Variants in ZNF704 observed in about 807,000 individuals in gnomAD.
The protein encoded by ZNF704 is glucocorticoid induced gene 1.
ZNF704 carries 10 observed loss-of-function variants against 44.7 expected under a neutral mutation model. That is an observed-to-expected ratio of 0.22 (90% CI 0.14 to 0.38). The LOEUF (loss-of-function observed/expected upper bound fraction) is 0.38. ZNF704 is among the 10% of genes least tolerant of loss of function. ZNF704 has a pLI of 1.00. For missense variants in ZNF704, 390 were observed against 545.5 expected, an observed-to-expected ratio of 0.71 and a Z score of 2.84; for synonymous variants, 211 against 207.6, an observed-to-expected ratio of 1.02 and a Z score of -0.14.
At chr8:80,841,858 T>C (rs151161694) in intron 1 of ZNF704, among the ~76,000 whole-genome samples, 34 of 152,314 alleles carry the variant, frequency 2.2e-4, no homozygotes, top group African/African-American at 7.2e-4. Context: ...GGCATGATCA[T>C]AGCTCACGGC....
chr8:80,665,615 C>T (rs971388894), intron 5 of ZNF704, among the ~76,000 whole-genome samples: 2 of 152,136 alleles, frequency 1.3e-5, no homozygotes, highest in African/African-American at 2.4e-5. Flanking sequence ...AAAGCCCAGG[C>T]TTTATCACTG....
intron 7 of ZNF704, among the ~76,000 whole-genome samples, chr8:80,656,786 G>T (rs1400911383): frequency 6.6e-6 from 1 of 152,160 alleles, no homozygotes; most frequent in Admixed American, 6.5e-5. Flanking sequence ...AGATGTGGGA[G>T]AAAAGTGAAC....
chr8:80,646,668 T>A (rs1375840076), intron 7 of ZNF704, among the ~76,000 whole-genome samples: 2 of 152,144 alleles, frequency 1.3e-5, no homozygotes, highest in Non-Finnish European at 2.9e-5. Flanking sequence ...TGTGTATAGA[T>A]ACGCAGCTTC....
chr8:80,674,120 T>C (rs1310489167), intron 4 of ZNF704, among the ~76,000 whole-genome samples: 1 of 152,192 alleles, frequency 6.6e-6, no homozygotes, highest in Non-Finnish European at 1.5e-5. Flanking sequence ...TACATGATCC[T>C]TATGAGCCTG....
intron 1 of ZNF704, among the ~76,000 whole-genome samples, chr8:80,831,649 G>C (rs1808474594): frequency 6.6e-6 from 1 of 151,934 alleles, no homozygotes; most frequent in Non-Finnish European, 1.5e-5. Flanking sequence ...AGCTGGTAAG[G>C]GCAAGAGAAA....
chr8:80,749,337 T>G (rs1806902260), intron 2 of ZNF704, among the ~76,000 whole-genome samples: 2 of 152,176 alleles, frequency 1.3e-5, no homozygotes, highest in African/African-American at 4.8e-5. Flanking sequence ...TAGTGATTTT[T>G]ACTGTATCTT....
At chr8:80,731,114 T>C (rs904059293) in intron 2 of ZNF704, among the ~76,000 whole-genome samples, 1 of 152,200 alleles carries the variant, frequency 6.6e-6, no homozygotes, top group Non-Finnish European at 1.5e-5. Context: ...TGGCCATCTG[T>C]CCCTACCTGC....
chr8:80,742,218 C>T (rs1806772162), intron 2 of ZNF704, among the ~76,000 whole-genome samples: 2 of 152,156 alleles, frequency 1.3e-5, no homozygotes, highest in African/African-American at 2.4e-5. Flanking sequence ...GCGGGACCCT[C>T]CATTAGAAAT....
intron 2 of ZNF704, among the ~76,000 whole-genome samples, chr8:80,746,856 C>T (rs1393947850): frequency 1.3e-5 from 2 of 152,108 alleles, no homozygotes; most frequent in African/African-American, 4.8e-5. Context: ...AAAAGGTCCT[C>T]ACAATTCACA....
At chr8:80,650,251 C>A (rs143522311) in intron 7 of ZNF704, among the ~76,000 whole-genome samples, 1 of 152,130 alleles carries the variant, frequency 6.6e-6, no homozygotes, top group Non-Finnish European at 1.5e-5. Flanking sequence ...AAAATCAGAG[C>A]GCCTCTCCTC....
At chr8:80,751,082 G>A (rs2131705911) in intron 2 of ZNF704, among the ~76,000 whole-genome samples, 1 of 152,280 alleles carries the variant, frequency 6.6e-6, no homozygotes, top group Middle Eastern at 3.4e-3. Flanking sequence ...CAATGTTAAT[G>A]AGAAAACTTT....
In ZNF704 at chr8:80,638,613, A is replaced by C. The variant is rs1330152992; in HGVS notation, c.*2753T>G. 6.6e-6 allele frequency: 1 copy of C among 152,338 alleles called. No individual in the cohort carries two copies. Among genetic ancestry groups the C allele is most frequent in the Non-Finnish European group, 1.5e-5 (1 of 67,982 alleles). The allele number at this position is 152,338 out of a possible 1,614,324, so 9.4% of individuals were successfully genotyped here. On this transcript the variant is annotated 3_prime_UTR_variant, in exon 9 of 9. Coordinates refer to ENST00000327835, the MANE Select transcript of ZNF704 (RefSeq NM_001033723.3). The stretch of plus-strand genomic sequence containing the variant: ...TTAAAAAAAAAAAACCCTAACTTGC[A>C]CGATCAGTGGTGTATATTGGAATTC...
intron 1 of ZNF704, among the ~76,000 whole-genome samples, chr8:80,836,045 A>G (rs77646675): frequency 0.034 from 5,210 of 152,158 alleles, 292 homozygotes; most frequent in African/African-American, 0.12. Context: ...CATGAACCCC[A>G]GTTCCTCCTA....
At chr8:80,818,973 CTCA>C (rs1808220103) in intron 2 of ZNF704, among the ~76,000 whole-genome samples, 1 of 151,992 alleles carries the variant, frequency 6.6e-6, no homozygotes, top group Non-Finnish European at 1.5e-5. Flanking sequence ...GCTTGATTCC[CTCA>C]TCATCATTTT....
Position 80,659,680 on chromosome 8 carries a change from G to T in ZNF704, c.937C>A (p.Pro313Thr). 1 of 1,613,602 alleles carries T rather than the reference G, an allele frequency of 6.2e-7. No individual in the cohort carries two copies. The change falls in exon 7 of 9, where the codon CCT becomes ACT. Residue 313 changes from proline to threonine, a missense_variant. Physicochemically the swap from Pro to Thr is conservative, Grantham distance 38. Coordinates refer to ENST00000327835, the MANE Select transcript of ZNF704 (RefSeq NM_001033723.3). ...TTGGCCGATCCTGGAATGGTCACAG[G>T]GGGTGTGGCCTGTCAAATAAAAAAC... ...HTDHAYQATP[P>T]VTIPGSAKFT...
intron 2 of ZNF704, among the ~76,000 whole-genome samples, chr8:80,704,329 G>C (rs946533151): frequency 6.6e-6 from 1 of 152,198 alleles, no homozygotes; most frequent in African/African-American, 2.4e-5. Flanking sequence ...CACAAGGCCA[G>C]TCTTAAACTA....
intron 1 of ZNF704, among the ~76,000 whole-genome samples, chr8:80,862,096 CG>C (rs1459423557): frequency 1.4e-5 from 2 of 148,094 alleles, no homozygotes; most frequent in Admixed American, 6.8e-5. Flanking sequence ...CTCTGCCTCC[CG>C]GGTTCAAGCA....
chr8:80,665,150 T>C, intron 5 of ZNF704, 68 bp from the exon 6 acceptor site: 3 of 1,542,064 alleles, frequency 1.9e-6, no homozygotes, highest in Non-Finnish European at 2.7e-6. Context: ...ATCTTGCACA[T>C]GCATTTCCCC....
intron 2 of ZNF704, among the ~76,000 whole-genome samples, chr8:80,793,103 G>A (rs145807751): frequency 2.4e-4 from 37 of 152,340 alleles, no homozygotes; most frequent in African/African-American, 7.9e-4. Context: ...TGGCACATAT[G>A]TAGGGACAAG....
Sources: gnomAD v4.1 joint callset for allele counts (sites outside exome capture counted in the v4.1 genomes callset) on GRCh38, gnomAD v4.1.1 for gene constraint, MANE v1.5 for transcripts, NCBI Gene and HGNC (gene_info 2026-07-23, HGNC 2026-07-21) for gene names.